EPHA6: variants seen among roughly 807,000 people sequenced by gnomAD.
The protein encoded by EPHA6 is EPH receptor A6.
EPHA6 carries 50 observed loss-of-function variants against 112.0 expected under a neutral mutation model. The ratio of observed to expected loss-of-function variants is 0.45; its 90% CI spans 0.36 to 0.56. EPHA6 has a LOEUF of 0.56. EPHA6 is among the 20% of genes least tolerant of loss of function. EPHA6 has a pLI of 0.00. For missense variants in EPHA6, 1,280 were observed against 1,417.4 expected, an observed-to-expected ratio of 0.90 and a Z score of 1.56; for synonymous variants, 529 against 490.7, an observed-to-expected ratio of 1.08 and a Z score of -1.03.
chr3:96,924,197 A>T (rs1052200813), intron 2 of EPHA6, among the ~76,000 whole-genome samples: 1 of 152,238 alleles, frequency 6.6e-6, no homozygotes, highest in Admixed American at 6.5e-5. Context: ...TGTCAGTGGT[A>T]GTCTAATGGA....
At chr3:97,470,814 GA>G (rs1268391267) in intron 7 of EPHA6, among the ~76,000 whole-genome samples, 2 of 151,656 alleles carry the variant, frequency 1.3e-5, no homozygotes, top group African/African-American at 4.8e-5. Flanking sequence ...ATCATAGAAT[GA>G]AATATATCAT....
chr3:97,010,149 AT>A, intron 3 of EPHA6: 2 of 1,181,132 alleles, frequency 1.7e-6, no homozygotes, highest in South Asian at 2.7e-5. Context: ...TTTTGTTTTT[AT>A]TTTGTTGTGT....
intron 3 of EPHA6, among the ~76,000 whole-genome samples, chr3:97,105,612 A>G (rs2047543283): frequency 6.6e-6 from 1 of 152,106 alleles, no homozygotes; most frequent in Non-Finnish European, 1.5e-5. Flanking sequence ...TGACAATGAG[A>G]AGAATGTATA....
chr3:96,994,732 T>TATAGAGAGAG lies in EPHA6; in HGVS notation c.1114+6740_1114+6741insTAGAGAGAGA, dbSNP rs1170197805. 2.9e-3 allele frequency among the ~76,000 whole-genome samples: 241 copies of TATAGAGAGAG among 82,168 alleles called. 1 individual carries two copies. Among genetic ancestry groups the TATAGAGAGAG allele is most frequent in the East Asian group, 0.014 (44 of 3,120 alleles). The allele number at this position is 82,168 out of a possible 152,430, so 53.9% of individuals were successfully genotyped here. The stretch of plus-strand genomic sequence containing the variant: ...GTGTATATATATATATATATATATA[T>TATAGAGAGAG]AGAGAGAGAGAGAGAGAGAGAGAGA... On this transcript the variant is annotated intron_variant, in intron 3 of 17. Transcript: ENST00000389672.
chr3:97,682,523 A>G (rs2031939972), intron 14 of EPHA6, among the ~76,000 whole-genome samples: 1 of 152,144 alleles, frequency 6.6e-6, no homozygotes, highest in Admixed American at 6.6e-5. Context: ...ATACAATTTT[A>G]CAATGCTGAG....
chr3:97,015,736 C>T (rs1375135388), intron 3 of EPHA6, among the ~76,000 whole-genome samples: 2 of 152,090 alleles, frequency 1.3e-5, no homozygotes, highest in Non-Finnish European at 2.9e-5. Flanking sequence ...GAGCGTGATT[C>T]CACATCCAGA....
chr3:96,977,696 T>C (rs1313440474), intron 2 of EPHA6, among the ~76,000 whole-genome samples: 2 of 152,082 alleles, frequency 1.3e-5, no homozygotes, highest in Admixed American at 6.6e-5. Context: ...CTCTGTGTTA[T>C]TGAAAATCCA....
At chr3:97,321,507 T>G (rs1033415849) in intron 5 of EPHA6, among the ~76,000 whole-genome samples, 11 of 152,028 alleles carry the variant, frequency 7.2e-5, no homozygotes, top group African/African-American at 2.4e-4. Flanking sequence ...AAATAAATTA[T>G]CTTGTCCAAA....
intron 3 of EPHA6, among the ~76,000 whole-genome samples, chr3:97,179,502 G>A (rs2076924881): frequency 6.6e-6 from 1 of 152,052 alleles, no homozygotes; most frequent in African/African-American, 2.4e-5. Context: ...TTTGTAGTCA[G>A]TCTTTTTGGG....
intron 5 of EPHA6, among the ~76,000 whole-genome samples, chr3:97,373,884 T>C (rs56218349): frequency 0.03 from 4,531 of 152,222 alleles, 215 homozygotes; most frequent in African/African-American, 0.099. Flanking sequence ...TGAAAAATAG[T>C]TTATATGAAG....
chr3:97,384,216 G>A (rs182981681), intron 5 of EPHA6, among the ~76,000 whole-genome samples: 2,090 of 152,234 alleles, frequency 0.014, 25 homozygotes, highest in Middle Eastern at 0.031. Flanking sequence ...TACTTTAAAT[G>A]AAATAATATA....
intron 12 of EPHA6, among the ~76,000 whole-genome samples, chr3:97,608,075 G>C (rs947190692): frequency 6.7e-6 from 1 of 150,042 alleles, no homozygotes; most frequent in African/African-American, 2.4e-5. Context: ...TTACAGGCTA[G>C]ATGGAGCAAT....
intron 3 of EPHA6, among the ~76,000 whole-genome samples, chr3:97,188,068 A>G (rs139087609): frequency 1.7e-4 from 26 of 152,268 alleles, no homozygotes; most frequent in Admixed American, 5.9e-4. Flanking sequence ...GAAAAAAATT[A>G]GTAATGTTTA....
At chr3:96,987,179 T>G (rs982566371) in intron 2 of EPHA6, 151 bp from the exon 3 acceptor site, 1 of 665,646 alleles carries the variant, frequency 1.5e-6, no homozygotes, top group African/African-American at 1.8e-5. Context: ...GGCTCATGGT[T>G]AAAATGCTGT....
rs150973600 is a variant in EPHA6, at chr3:97,620,688, A to T, written c.2574+9834A>T. 1.4e-4 allele frequency among the ~76,000 whole-genome samples: 21 copies of T among 152,240 alleles called. No homozygotes were observed. The East Asian group carries it at 4.1e-3, about 29-fold the overall frequency. On this transcript the variant is annotated intron_variant, in intron 13 of 17. Transcript: ENST00000389672. ...AACTCAGTATCACTGATCGTTAGAG[A>T]AATGCAAATCAAAACCACAATGAGT...
At chr3:97,000,427 AC>A (rs1043426450) in intron 3 of EPHA6, among the ~76,000 whole-genome samples, 29 of 151,648 alleles carry the variant, frequency 1.9e-4, no homozygotes, top group Admixed American at 5.9e-4. Context: ...GAGGTAACAG[AC>A]AAAAATTTCA....
chr3:97,709,433 C>A (rs2033851107), intron 14 of EPHA6, among the ~76,000 whole-genome samples: 1 of 152,246 alleles, frequency 6.6e-6, no homozygotes, highest in Admixed American at 6.5e-5. Context: ...TTACTCAATG[C>A]CTGTACCTCC....
Position 96,974,480 on chromosome 3 carries a change from CT to C in EPHA6, c.451-12839del, listed in dbSNP as rs200707051. ...CTAAAATATCCCAGTTCCTCTGTCT[CT>C]TTTTTTTTTTAATTTATGTTTTTTA... On this transcript the variant is annotated intron_variant, in intron 2 of 17. Transcript: ENST00000389672. 7.8e-3 allele frequency among the ~76,000 whole-genome samples: 1,113 copies of C among 141,872 alleles called. 8 individuals are homozygous for C. The highest frequency in any genetic ancestry group is 0.022 in the Middle Eastern group (6 of 270). The allele number at this position is 141,872 out of a possible 152,430, so 93.1% of individuals were successfully genotyped here.
At position 97,751,675 on chromosome 3, in the gene EPHA6, A is replaced by G. The variant is rs1447995500; in HGVS notation, c.*2974A>G. On this transcript the variant is annotated 3_prime_UTR_variant, in exon 18 of 18. Coordinates refer to ENST00000389672, the MANE Select transcript of EPHA6 (RefSeq NM_001080448.3). ...GACTTACTAGTGTAAATTTTAGGTA[A>G]TTAAATCTGTTTAATATGCAAAGCA... Among the ~76,000 whole-genome samples, 2 of 152,162 alleles carry G rather than the reference A, an allele frequency of 1.3e-5. No homozygotes were observed. Among genetic ancestry groups the G allele is most frequent in the East Asian group, 3.8e-4 (2 of 5,202 alleles).
Sources: gnomAD v4.1 joint callset for allele counts (sites outside exome capture counted in the v4.1 genomes callset) on GRCh38, gnomAD v4.1.1 for gene constraint, MANE v1.5 for transcripts, NCBI Gene and HGNC (gene_info 2026-07-23, HGNC 2026-07-21) for gene names.